Variants in LRRTM4 observed in about 807,000 individuals in gnomAD.
LRRTM4 encodes the protein leucine-rich repeat transmembrane neuronal protein 4.
In LRRTM4, 25 loss-of-function variants were observed where a neutral mutation model predicts 47.6. That is an observed-to-expected ratio of 0.53 (90% confidence interval 0.38 to 0.73). The LOEUF (loss-of-function observed/expected upper bound fraction) is 0.73, where lower values mean the gene tolerates loss of function less well. Among genes scored for constraint, LRRTM4 ranks in the 30% least tolerant of loss-of-function variants. LRRTM4 has a pLI of 0.00. For missense variants in LRRTM4, 638 were observed against 713.4 expected (o/e 0.89, Z 1.20); for synonymous variants, 311 against 269.5 (o/e 1.15, Z -1.51).
At chr2:77,318,497 C>T (rs1573244996) in intron 3 of LRRTM4, among the ~76,000 whole-genome samples, 2 of 152,198 alleles carry the variant, frequency 1.3e-5, no homozygotes, top group Admixed American at 6.5e-5. Flanking sequence ...CTGCAGGTCA[C>T]GTTATCTTCT....
At chr2:77,069,399 C>CTG (rs1553381576) in intron 3 of LRRTM4, among the ~76,000 whole-genome samples, 5 of 123,672 alleles carry the variant, frequency 4.0e-5, no homozygotes, top group South Asian at 2.5e-4. Flanking sequence ...CTACATTTCA[C>CTG]TATGTGTGTG....
intron 3 of LRRTM4, among the ~76,000 whole-genome samples, chr2:76,959,939 C>T (rs1205499612): frequency 1.3e-5 from 2 of 151,214 alleles, no homozygotes; most frequent in Non-Finnish European, 3.0e-5. Flanking sequence ...GTATTACTAC[C>T]AATACCATTG....
At chr2:77,157,982 T>C (rs878897619) in intron 3 of LRRTM4, among the ~76,000 whole-genome samples, 1 of 152,122 alleles carries the variant, frequency 6.6e-6, no homozygotes, top group Non-Finnish European at 1.5e-5. Flanking sequence ...TTAAAAAACA[T>C]TCAAAAGGCG....
At chr2:77,353,599 T>C (rs146182244) in intron 3 of LRRTM4, among the ~76,000 whole-genome samples, 1 of 152,314 alleles carries the variant, frequency 6.6e-6, no homozygotes, top group African/African-American at 2.4e-5. Context: ...TTGGTGAAGT[T>C]ACATAAACAT....
chr2:77,397,525 A>C (rs1673750515), intron 3 of LRRTM4, among the ~76,000 whole-genome samples: 1 of 151,830 alleles, frequency 6.6e-6, no homozygotes, highest in Admixed American at 6.6e-5. Flanking sequence ...TTATCAATCT[A>C]ATAGTAGTTT....
intron 3 of LRRTM4, among the ~76,000 whole-genome samples, chr2:77,417,555 T>C (rs977649599): frequency 3.3e-5 from 5 of 152,160 alleles, no homozygotes; most frequent in Non-Finnish European, 5.9e-5. Flanking sequence ...TGGAACACTA[T>C]GCAGCCATAA....
intron 3 of LRRTM4, among the ~76,000 whole-genome samples, chr2:76,884,939 G>A (rs1179313939): frequency 3.3e-5 from 5 of 152,140 alleles, no homozygotes; most frequent in Middle Eastern, 3.4e-3. Flanking sequence ...CCTTCAAAAT[G>A]TTTTTAATGA....
intron 3 of LRRTM4, among the ~76,000 whole-genome samples, chr2:77,243,344 A>G (rs757178500): frequency 6.9e-6 from 1 of 144,738 alleles, no homozygotes; most frequent in Non-Finnish European, 1.5e-5. Flanking sequence ...TGGGAGGCGG[A>G]GGTTGCGGTG....
At chr2:76,804,777 G>A (rs1004826620) in intron 3 of LRRTM4, among the ~76,000 whole-genome samples, 1 of 149,012 alleles carries the variant, frequency 6.7e-6, no homozygotes, top group Non-Finnish European at 1.5e-5. Flanking sequence ...TATATATCAT[G>A]TTTTATATAT....
At chr2:76,991,035 T>C (rs1368197467) in intron 3 of LRRTM4, among the ~76,000 whole-genome samples, 1 of 151,772 alleles carries the variant, frequency 6.6e-6, no homozygotes. Flanking sequence ...AACAACTTGC[T>C]CATGAATGAC....
chr2:76,767,907 T>C (rs1218649822), intron 3 of LRRTM4, among the ~76,000 whole-genome samples: 1 of 152,186 alleles, frequency 6.6e-6, no homozygotes, highest in Non-Finnish European at 1.5e-5. Flanking sequence ...AGAAAGAATC[T>C]ATAAAATATT....
At chr2:77,239,566 G>C (rs116164118) in intron 3 of LRRTM4, among the ~76,000 whole-genome samples, 1 of 151,954 alleles carries the variant, frequency 6.6e-6, no homozygotes, top group African/African-American at 2.4e-5. Flanking sequence ...TGAAGTTATA[G>C]ATAGGTTCAA....
chr2:77,233,954 T>C (rs1264339328), intron 3 of LRRTM4, among the ~76,000 whole-genome samples: 1 of 152,070 alleles, frequency 6.6e-6, no homozygotes, highest in East Asian at 1.9e-4. Context: ...CCCACCATCA[T>C]GTCCCGCAAA....
chr2:77,221,270 A>G (rs1237365532), intron 3 of LRRTM4, among the ~76,000 whole-genome samples: 2 of 152,090 alleles, frequency 1.3e-5, no homozygotes, highest in African/African-American at 4.8e-5. Context: ...TGCAAAGACC[A>G]TCAAGGCTAG....
intron 3 of LRRTM4, among the ~76,000 whole-genome samples, chr2:77,322,370 C>T (rs1176084093): frequency 1.3e-5 from 2 of 152,110 alleles, no homozygotes; most frequent in Non-Finnish European, 2.9e-5. Flanking sequence ...GTTTACTCTG[C>T]ATCTGACTCC....
chr2:77,026,543 TAGTA>T (rs1016550487), intron 3 of LRRTM4, among the ~76,000 whole-genome samples: 10 of 152,122 alleles, frequency 6.6e-5, no homozygotes, highest in African/African-American at 2.4e-4. Flanking sequence ...ACAAAAGTAA[TAGTA>T]AGTGAATAGC....
intron 3 of LRRTM4, among the ~76,000 whole-genome samples, chr2:77,187,465 G>C (rs1197427331): frequency 6.8e-6 from 1 of 146,628 alleles, no homozygotes; most frequent in Non-Finnish European, 1.5e-5. Context: ...CACACACAGG[G>C]GACTGTTGTG....
intron 3 of LRRTM4, among the ~76,000 whole-genome samples, chr2:77,130,418 T>C (rs774200323): frequency 5.3e-5 from 8 of 152,320 alleles, no homozygotes; most frequent in Non-Finnish European, 4.4e-5. Context: ...TTAATTATTA[T>C]TTGTACACTA....
chr2:77,291,836 T>C (rs1676831620), intron 3 of LRRTM4, among the ~76,000 whole-genome samples: 1 of 151,958 alleles, frequency 6.6e-6, no homozygotes, highest in African/African-American at 2.4e-5. Context: ...AAAGCCAAAA[T>C]TGAAAACTGG....
Sources: gnomAD v4.1 joint callset for allele counts (sites outside exome capture counted in the v4.1 genomes callset) on GRCh38, gnomAD v4.1.1 for gene constraint, MANE v1.5 for transcripts, NCBI Gene and HGNC (gene_info 2026-07-23, HGNC 2026-07-21) for gene names.